Variants in C13orf42 observed in about 807,000 individuals in gnomAD.
C13orf42 encodes uncharacterized protein C13orf42.
At chr13:51,117,488 T>C (rs1402880647) in intron 1 of C13orf42, among the ~76,000 whole-genome samples, 1 of 152,226 alleles carries the variant, frequency 6.6e-6, no homozygotes, top group Non-Finnish European at 1.5e-5. Context: ...AAAAAAGATA[T>C]AGTCTTCTCA....
intron 1 of C13orf42, among the ~76,000 whole-genome samples, chr13:51,160,963 G>GAAAAAAAAA (rs78703300): frequency 9.5e-6 from 1 of 105,042 alleles, no homozygotes; most frequent in Admixed American, 8.8e-5. Flanking sequence ...TTGGAAACAA[G>GAAAAAAAAA]AAAAAAAAAA....
intron 1 of C13orf42, among the ~76,000 whole-genome samples, chr13:51,142,438 T>C (rs1953702495): frequency 6.6e-6 from 1 of 152,116 alleles, no homozygotes; most frequent in Non-Finnish European, 1.5e-5. Context: ...ATAATCTACA[T>C]AAACAACTAA....
At chr13:51,088,366 C>A (rs1003162615) in intron 1 of C13orf42, among the ~76,000 whole-genome samples, 2 of 152,154 alleles carry the variant, frequency 1.3e-5, no homozygotes, top group African/African-American at 4.8e-5. Context: ...ATAATGTCTT[C>A]TTTTAGCCTT....
intron 1 of C13orf42, among the ~76,000 whole-genome samples, chr13:51,089,577 C>T (rs981025232): frequency 1.3e-5 from 2 of 152,074 alleles, no homozygotes; most frequent in Non-Finnish European, 2.9e-5. Flanking sequence ...TCTCCCTTCA[C>T]CTTCCACCAT....
chr13:51,136,194 T>C (rs182530578), intron 1 of C13orf42, among the ~76,000 whole-genome samples: 190 of 152,290 alleles, frequency 1.2e-3, no homozygotes, highest in Admixed American at 4.2e-3. Context: ...GCTGAGCTGG[T>C]CGGTGCTAGG....
chr13:51,135,507 A>C (rs1212941721), intron 1 of C13orf42, among the ~76,000 whole-genome samples: 1 of 151,540 alleles, frequency 6.6e-6, no homozygotes, highest in Non-Finnish European at 1.5e-5. Flanking sequence ...TTTTTAATTG[A>C]CCAGTCATGG....
intron 1 of C13orf42, among the ~76,000 whole-genome samples, chr13:51,158,706 G>C (rs961214373): frequency 6.6e-6 from 1 of 152,188 alleles, no homozygotes; most frequent in Non-Finnish European, 1.5e-5. Flanking sequence ...GGATCTGAAC[G>C]ACTCGCAGTA....
chr13:51,123,152 G>A (rs1008933242), intron 1 of C13orf42, among the ~76,000 whole-genome samples: 5 of 152,186 alleles, frequency 3.3e-5, no homozygotes, highest in African/African-American at 1.2e-4. Flanking sequence ...CTCCCCCAGG[G>A]ACCCTAGCAC....
At chr13:51,163,219 G>A (rs546261840) in intron 1 of C13orf42, among the ~76,000 whole-genome samples, 3 of 152,268 alleles carry the variant, frequency 2.0e-5, no homozygotes, top group South Asian at 2.1e-4. Context: ...CATTTCTGCC[G>A]CCTATGATCT....
At chr13:51,105,948 G>A (rs1953350529) in intron 1 of C13orf42, among the ~76,000 whole-genome samples, 1 of 152,182 alleles carries the variant, frequency 6.6e-6, no homozygotes, top group Non-Finnish European at 1.5e-5. Flanking sequence ...AGAATGAGCT[G>A]GGAGATATGA....
intron 1 of C13orf42, among the ~76,000 whole-genome samples, chr13:51,101,431 G>A (rs1402271373): frequency 1.3e-5 from 2 of 151,944 alleles, no homozygotes; most frequent in South Asian, 2.1e-4. Context: ...TTGATGGTGG[G>A]CTCTAATCAA....
At chr13:51,114,016 G>C (rs1953461415), upstream of C13orf42, among the ~76,000 whole-genome samples, 1 of 152,210 alleles carries the variant, frequency 6.6e-6, no homozygotes, top group African/African-American at 2.4e-5. Flanking sequence ...CTTTATTCCA[G>C]AATTTCTCAA....
At position 51,156,120 on chromosome 13, in the gene C13orf42, G is replaced by T. The variant is rs139441225; in HGVS notation, n.136+16133C>A. Reference sequence around the variant, plus strand: ...CCCCACCCCCGGCCTGTAACCCAGGGGTTCTCTTGGGGAAGAAGGAAAGCA... The same window carrying T: ...CCCCACCCCCGGCCTGTAACCCAGGTGTTCTCTTGGGGAAGAAGGAAAGCA... On this transcript the variant is annotated intron_variant and non_coding_transcript_variant, in intron 1 of 4. Transcript: ENST00000433280. 9.8e-5 allele frequency among the ~76,000 whole-genome samples: 15 copies of T among 152,288 alleles called. No homozygotes were observed. The East Asian group carries it at 2.7e-3, about 27-fold the overall frequency.
intron 1 of C13orf42, among the ~76,000 whole-genome samples, chr13:51,157,316 C>G (rs1260866378): frequency 6.6e-6 from 1 of 152,060 alleles, no homozygotes; most frequent in Non-Finnish European, 1.5e-5. Flanking sequence ...CACGTGTAGT[C>G]CCAGCTACTC....
intron 1 of C13orf42, among the ~76,000 whole-genome samples, chr13:51,140,872 A>G (rs1953690195): frequency 6.6e-6 from 1 of 152,116 alleles, no homozygotes; most frequent in Non-Finnish European, 1.5e-5. Context: ...TCTGTCTTGC[A>G]AATTCTTTTC....
intron 3 of C13orf42, 92 bp from the exon 4 acceptor site, chr13:51,084,417 A>G (rs1953099995): frequency 2.5e-6 from 1 of 397,088 alleles, no homozygotes; most frequent in Non-Finnish European, 4.4e-6. Context: ...TCTCATGGAG[A>G]CCCTCAGATT....
intron 1 of C13orf42, among the ~76,000 whole-genome samples, chr13:51,161,119 T>C (rs1326539635): frequency 1.2e-5 from 1 of 80,136 alleles, no homozygotes; most frequent in Non-Finnish European, 3.2e-5. Context: ...CTAACCCACA[T>C]ATACTTAAAA....
At chr13:51,106,532 G>A (rs561005876) in intron 1 of C13orf42, among the ~76,000 whole-genome samples, 2 of 152,316 alleles carry the variant, frequency 1.3e-5, no homozygotes, top group East Asian at 3.9e-4. Flanking sequence ...TTCGTCAGGA[G>A]CATGGCCTTA....
intron 1 of C13orf42, among the ~76,000 whole-genome samples, chr13:51,121,128 G>A (rs1053844340): frequency 6.6e-6 from 1 of 152,178 alleles, no homozygotes; most frequent in Non-Finnish European, 1.5e-5. Context: ...TGAGCCCAGG[G>A]TTGAGAGCAG....
Sources: allele counts gnomAD v4.1 joint callset (sites outside exome capture counted in the v4.1 genomes callset), GRCh38; gene constraint gnomAD v4.1.1; transcripts MANE v1.5; gene names NCBI Gene and HGNC (gene_info 2026-07-23, HGNC 2026-07-21).